Variants in INPP5F observed in about 807,000 individuals in gnomAD.
INPP5F encodes phosphatidylinositide 4-phosphatase SAC2.
A neutral mutation model predicts 137.2 loss-of-function variants in INPP5F; 97 were observed. The ratio of observed to expected loss-of-function variants is 0.71; its 90% CI spans 0.60 to 0.84. The LOEUF is 0.84. Ranked by LOEUF, INPP5F falls within the 40% of genes least tolerant of loss-of-function variation. The probability of loss-of-function intolerance (pLI) is 0.00; values close to 1 mark genes in which losing one functional copy is unlikely to be tolerated. For synonymous variants in INPP5F, 504 were observed against 476.9 expected, an observed-to-expected ratio of 1.06 and a Z score of -0.74; for missense variants, 1,271 against 1,371.9, an observed-to-expected ratio of 0.93 and a Z score of 1.16.
intron 1 of INPP5F, among the ~76,000 whole-genome samples, chr10:119,737,426 AG>A (rs1242555886): frequency 6.6e-6 from 1 of 152,184 alleles, no homozygotes; most frequent in Non-Finnish European, 1.5e-5. Context: ...TAGAATCACC[AG>A]GGGGAGATTT....
intron 2 of INPP5F, among the ~76,000 whole-genome samples, chr10:119,755,700 A>G (rs958032481): frequency 1.3e-5 from 2 of 152,166 alleles, no homozygotes; most frequent in African/African-American, 4.8e-5. Flanking sequence ...GTTGGCTAGG[A>G]ACCCACTCCA....
At chr10:119,741,994 C>T (rs1245458186) in intron 1 of INPP5F, among the ~76,000 whole-genome samples, 2 of 151,304 alleles carry the variant, frequency 1.3e-5, no homozygotes, top group Admixed American at 1.3e-4. Flanking sequence ...CTAATTTTTG[C>T]ATTTTTAGTA....
rs1423380131 is a variant in INPP5F, at chr10:119,797,348, A to G, written c.869-113A>G. On this transcript the variant is annotated intron_variant, in intron 7 of 19. Coordinates refer to ENST00000650623, the MANE Select transcript of INPP5F (RefSeq NM_014937.4). ...ATACTGTTCTGCTTGGCAGTTGCAC[A>G]CTGAATCCCCAAGGCTATCCTGGAA... is the stretch of plus-strand genomic sequence containing the variant. 3.4e-5 allele frequency: 28 copies of G among 828,268 alleles called. 1 individual carries two copies. The South Asian group carries it at 4.7e-4, about 14-fold the overall frequency. The allele number at this position is 828,268 out of a possible 1,614,324, so 51.3% of individuals were successfully genotyped here.
rs534690381 is a variant in INPP5F, at chr10:119,758,523, T to G, written c.178+7367T>G. Among the ~76,000 whole-genome samples, 143 of 152,268 alleles carry G rather than the reference T, an allele frequency of 9.4e-4. 2 individuals are homozygous for G. The highest frequency in any genetic ancestry group is 2.0e-3 in the Admixed American group (30 of 15,282). ...CTTTAGGCTGGAGATTTAAAATAGATCACAAAAGCTCTTCAAGTTAAAATG... is the reference window on the plus strand; with the variant it reads ...CTTTAGGCTGGAGATTTAAAATAGAGCACAAAAGCTCTTCAAGTTAAAATG... On this transcript the variant is annotated intron_variant, in intron 2 of 19. Transcript: ENST00000650623.
chr10:119,792,805 T>A (rs775111671), intron 6 of INPP5F, among the ~76,000 whole-genome samples: 6 of 152,214 alleles, frequency 3.9e-5, no homozygotes, highest in Non-Finnish European at 7.3e-5. Flanking sequence ...TCAACAAATA[T>A]TTATGGAAGG....
intron 6 of INPP5F, among the ~76,000 whole-genome samples, chr10:119,795,179 C>T (rs1162499522): frequency 6.7e-6 from 1 of 148,734 alleles, no homozygotes; most frequent in Admixed American, 6.6e-5. Flanking sequence ...GGCAGAGGGG[C>T]TCCTCACTTC....
Position 119,771,845 on chromosome 10 carries a change from G to GAGATATAT in INPP5F, c.179-9789_179-9788insGATATATA, listed in dbSNP as rs1445944351. Among the ~76,000 whole-genome samples the GAGATATAT allele has an allele frequency of 2.7e-4, 9 of 32,794 alleles. No homozygotes were observed. In the East Asian group the frequency reaches 4.5e-3, roughly 16 times the overall value. The allele number at this position is 32,794 out of a possible 152,430, so 21.5% of individuals were successfully genotyped here. On this transcript the variant is annotated intron_variant, in intron 2 of 19. Coordinates refer to ENST00000650623, the MANE Select transcript of INPP5F (RefSeq NM_014937.4). ...TCATCCATACTCCATAAAGTATGGAGATATATATATATATATATATATATA... is the reference window on the plus strand; with the variant it reads ...TCATCCATACTCCATAAAGTATGGAGAGATATATATATATATATATATATATATATATA...
In INPP5F at chr10:119,797,571, C is replaced by G. The variant is rs758306205; in HGVS notation, c.979C>G (p.Arg327Gly). The change falls in exon 8 of 20, where the codon CGA becomes GGA. Residue 327 changes from arginine to glycine, a missense_variant. Transcript: ENST00000650623. ...TCATACCCTGTCATTTGTTCAAACA[C>G]GAGGCTCTGTGCCTGTCTTTTGGAG... The part of the protein sequence containing the change: ...HNHTLSFVQT[R>G]GSVPVFWSQV... 6.2e-7 allele frequency: 1 copy of G among 1,613,246 alleles called. No individual in the cohort carries two copies. Among genetic ancestry groups the G allele is most frequent in the East Asian group, 2.2e-5 (1 of 44,878 alleles).
At chr10:119,745,853 C>T (rs1848516204) in intron 1 of INPP5F, among the ~76,000 whole-genome samples, 1 of 151,724 alleles carries the variant, frequency 6.6e-6, no homozygotes, top group Non-Finnish European at 1.5e-5. Context: ...TACAGGTATG[C>T]GCTACCATGC....
intron 12 of INPP5F, 48 bp downstream of exon 12, chr10:119,806,528 T>G: frequency 6.6e-7 from 1 of 1,521,172 alleles, no homozygotes; most frequent in Non-Finnish European, 8.8e-7. Flanking sequence ...GAAATGCTTT[T>G]TTTTTCCATG....
At chr10:119,740,873 C>T (rs1451184759) in intron 1 of INPP5F, among the ~76,000 whole-genome samples, 2 of 152,094 alleles carry the variant, frequency 1.3e-5, no homozygotes, top group African/African-American at 2.4e-5. Context: ...ATATGAAGAC[C>T]CTTAAATTAT....
rs1233239518 is a variant in INPP5F at position 119,787,744 on chromosome 10, T to C, written c.316-3773T>C. On this transcript the variant is annotated intron_variant, in intron 3 of 19. Transcript: ENST00000650623. The surrounding 1 kb of genome is among the most constrained non-coding windows in gnomAD (Gnocchi z 4.1). Reference sequence around the variant, plus strand: ...GTAGATCAGACTGAAGCCAGAGGCCTTTCTGGGTCTGCATCTAGAAGCAGA... The same window carrying C: ...GTAGATCAGACTGAAGCCAGAGGCCCTTCTGGGTCTGCATCTAGAAGCAGA... Among the ~76,000 whole-genome samples the C allele has an allele frequency of 1.3e-5, 2 of 152,126 alleles. No individual in the cohort carries two copies. The highest frequency in any genetic ancestry group is 2.9e-5 in the Non-Finnish European group (2 of 68,020).
Position 119,819,476 on chromosome 10 carries a change from A to G in INPP5F, c.1887-1370A>G, listed in dbSNP as rs536383790. On this transcript the variant is annotated intron_variant, in intron 15 of 19. Transcript: ENST00000650623. ...TGTAATTAGTAGTAGAATTTATTTC[A>G]TATTAAAATGTGTCATGACGTAATT... The G allele has an allele frequency of 2.3e-5, 36 of 1,598,902 alleles. No individual in the cohort carries two copies. The Admixed American group carries it at 3.9e-4, about 18-fold the overall frequency.
intron 2 of INPP5F, among the ~76,000 whole-genome samples, chr10:119,752,232 C>T (rs887582873): frequency 5.3e-5 from 8 of 152,070 alleles, no homozygotes; most frequent in East Asian, 3.8e-4. Flanking sequence ...AGCTGTTTAT[C>T]GCAGATGTGC....
intron 1 of INPP5F, among the ~76,000 whole-genome samples, chr10:119,733,424 C>A (rs1482871388): frequency 1.3e-5 from 2 of 152,134 alleles, no homozygotes; most frequent in African/African-American, 4.8e-5. Flanking sequence ...CAGGGGAGAT[C>A]TTTGAGCAGA....
intron 14 of INPP5F, among the ~76,000 whole-genome samples, chr10:119,810,653 G>T (rs1018275193): frequency 1.3e-5 from 2 of 152,138 alleles, no homozygotes. Flanking sequence ...CATAAGCATG[G>T]TTTATCAGAA....
At chr10:119,804,412 G>A in intron 10 of INPP5F, 115 bp downstream of exon 10, 2 of 863,846 alleles carry the variant, frequency 2.3e-6, no homozygotes, top group Non-Finnish European at 3.4e-6. Context: ...CTCATTGTTG[G>A]AAAGAAAAAG....
chr10:119,744,692 C>T (rs1252943250), intron 1 of INPP5F, among the ~76,000 whole-genome samples: 4 of 152,158 alleles, frequency 2.6e-5, no homozygotes, highest in Non-Finnish European at 4.4e-5. Context: ...GCTGGGACTA[C>T]AGGTGCGTGC....
rs1336513610 is a variant in INPP5F, at chr10:119,795,029, G to C, written c.670-1686G>C. ...GGGGCGGCTGGCCGGGCGGGGGGCT[G>C]ACCCCCCCACCTCCCTCCCGGATGG... On this transcript the variant is annotated intron_variant, in intron 6 of 19. Coordinates refer to ENST00000650623, the MANE Select transcript of INPP5F (RefSeq NM_014937.4). 5.5e-5 allele frequency among the ~76,000 whole-genome samples: 7 copies of C among 128,260 alleles called. 1 individual carries two copies. The highest frequency in any genetic ancestry group is 1.2e-4 in the Non-Finnish European group (7 of 59,964). The allele number at this position is 128,260 out of a possible 152,430, so 84.1% of individuals were successfully genotyped here. A position where few individuals can be genotyped will look rare whatever the true frequency, so the allele number is the denominator to read the frequency against.
Sources: allele counts gnomAD v4.1 joint callset (sites outside exome capture counted in the v4.1 genomes callset), GRCh38; gene constraint gnomAD v4.1.1; non-coding constraint Gnocchi (gnomAD v3.1); transcripts MANE v1.5; gene names NCBI Gene and HGNC (gene_info 2026-07-23, HGNC 2026-07-21).